Variants in PRDM9 observed in about 807,000 individuals in gnomAD.
The protein encoded by PRDM9 is PR/SET domain 9, also known as histone-lysine N-methyltransferase PRDM9.
A neutral mutation model predicts 55.6 loss-of-function variants in PRDM9; 47 were observed. The observed-to-expected ratio is 0.85, with a 90% CI of 0.67 to 1.08. The LOEUF (loss-of-function observed/expected upper bound fraction) is 1.08, where lower values mean the gene tolerates loss of function less well. Ranked by LOEUF, PRDM9 falls within the 50% of genes least tolerant of loss-of-function variation. The pLI is 0.00. For missense variants in PRDM9, 867 were observed against 1,040.3 expected (o/e 0.83, Z 2.29); for synonymous variants, 312 against 375.7 (o/e 0.83, Z 1.96).
At chr5:23,511,660 A>C (rs1579588711) in intron 4 of PRDM9, among the ~76,000 whole-genome samples, 1 of 152,276 alleles carries the variant, frequency 6.6e-6, no homozygotes, top group East Asian at 1.9e-4. Context: ...ATAAAGTTTT[A>C]AAACTTGTAA....
At chr5:23,510,635 A>G (rs1579588149) in intron 4 of PRDM9, among the ~76,000 whole-genome samples, 5 of 149,484 alleles carry the variant, frequency 3.3e-5, no homozygotes, top group African/African-American at 1.2e-4. Flanking sequence ...TGGGATGATG[A>G]TGATGATGAT....
In PRDM9 at chr5:23,526,382, C is replaced by T; in HGVS notation, c.1294C>T (p.Pro432Ser). The part of the protein sequence containing the change: ...RKLLQPENPC[P>S]GDQNQEQQYP... ...ACTCCTCCAACCAGAGAATCCCTGC[C>T]CAGGGGATCAGAATCAGGAGCAGCA... The change falls in exon 11 of 11, where the codon CCA (proline) becomes TCA (serine). Residue 432 changes from proline to serine, a missense_variant. Physicochemically the swap from Pro to Ser is moderately conservative, Grantham distance 74 (BLOSUM62 -1). This residue lies in a region of PRDM9 where 662 missense variants were observed against 711.9 expected (regional missense o/e 0.93). Transcript: ENST00000296682. 1 of 1,614,132 alleles carries T rather than the reference C, an allele frequency of 6.2e-7. No individual in the cohort carries two copies. Among genetic ancestry groups the T allele is most frequent in the South Asian group, 1.1e-5 (1 of 91,080 alleles).
intron 5 of PRDM9, among the ~76,000 whole-genome samples, chr5:23,519,792 C>A (rs990907787): frequency 2.6e-5 from 4 of 151,932 alleles, no homozygotes; most frequent in African/African-American, 9.7e-5. Context: ...ACCTGTAATC[C>A]CAGCACTTTG....
chr5:23,511,772 G>A (rs1230706051), intron 4 of PRDM9, among the ~76,000 whole-genome samples: 3 of 152,146 alleles, frequency 2.0e-5, no homozygotes. Context: ...CACAACAAAA[G>A]AAGGAAGGGC....
intron 4 of PRDM9, among the ~76,000 whole-genome samples, chr5:23,511,166 G>A (rs1369273677): frequency 1.3e-5 from 2 of 151,592 alleles, no homozygotes; most frequent in Non-Finnish European, 2.9e-5. Flanking sequence ...CTCAGGGCGG[G>A]AAAAATAGTG....
chr5:23,512,390 A>G (rs1739116208), intron 4 of PRDM9, among the ~76,000 whole-genome samples: 1 of 152,068 alleles, frequency 6.6e-6, no homozygotes, highest in Non-Finnish European at 1.5e-5. Flanking sequence ...ATCTACCCAA[A>G]CTAGAGAAAG....
intron 2 of PRDM9, 129 bp from the exon 3 acceptor site, chr5:23,509,341 G>A (rs1333506644): frequency 7.3e-6 from 11 of 1,515,464 alleles, no homozygotes; most frequent in South Asian, 1.1e-5. Flanking sequence ...TCTGGAGAAG[G>A]AGGGAAGATC....
At chr5:23,516,522 G>A (rs960387364) in intron 4 of PRDM9, among the ~76,000 whole-genome samples, 2 of 150,974 alleles carry the variant, frequency 1.3e-5, no homozygotes, top group Admixed American at 6.6e-5. Flanking sequence ...ACAGGCGCCC[G>A]CCACCATGCC....
intron 9 of PRDM9, 120 bp from the exon 10 acceptor site, chr5:23,524,214 G>A (rs1739387286): frequency 6.1e-6 from 8 of 1,306,188 alleles, no homozygotes; most frequent in South Asian, 1.2e-5. Context: ...CGGAGGAGTG[G>A]TGGGGGAGTG....
At chr5:23,515,822 T>C (rs1451447066) in intron 4 of PRDM9, among the ~76,000 whole-genome samples, 1 of 152,224 alleles carries the variant, frequency 6.6e-6, no homozygotes, top group African/African-American at 2.4e-5. Context: ...TTTGACCGCA[T>C]ACACAAGGGT....
At chr5:23,524,213 G>T in intron 9 of PRDM9, 121 bp from the exon 10 acceptor site, 1 of 1,290,542 alleles carries the variant, frequency 7.7e-7, no homozygotes, top group South Asian at 1.2e-5. Flanking sequence ...CCGGAGGAGT[G>T]GTGGGGGAGT....
chr5:23,514,745 A>T (rs578000381), intron 4 of PRDM9, among the ~76,000 whole-genome samples: 1 of 151,088 alleles, frequency 6.6e-6, no homozygotes, highest in African/African-American at 2.4e-5. Context: ...GCCAGGCCAA[A>T]AGCACTAATG....
Position 23,527,383 on chromosome 5 carries a change from A to T in PRDM9, c.2295A>T (p.Arg765Ser), listed in dbSNP as rs112815500. ...TTCGCGATAAGTCACACCTCCTCAGACACCAGAGGACACACACAGGGGAGA... is the reference window on the plus strand; with the variant it reads ...TTCGCGATAAGTCACACCTCCTCAGTCACCAGAGGACACACACAGGGGAGA... ...RGFRDKSHLL[R>S]HQRTHTGEKP... The change falls in exon 11 of 11, where the codon AGA (arginine) becomes AGT (serine). Residue 765 changes from arginine (R) to serine (S), a missense_variant. By Grantham distance (110) the Arg-to-Ser change is moderately radical (BLOSUM62 -1). This residue lies in a region of PRDM9 where 92 missense variants were observed against 185.7 expected (regional missense o/e 0.50). Coordinates refer to ENST00000296682, the MANE Select transcript of PRDM9 (RefSeq NM_020227.4). 1.6e-3 allele frequency: 2,214 copies of T among 1,345,728 alleles called. 36 individuals are homozygous for T. The African/African-American group carries it at 0.019, about 12-fold the overall frequency. The allele number at this position is 1,345,728 out of a possible 1,614,324, so 83.4% of individuals were successfully genotyped here. A position where few individuals can be genotyped will look rare whatever the true frequency, so the allele number is the denominator to read the frequency against.
intron 5 of PRDM9, among the ~76,000 whole-genome samples, chr5:23,519,996 A>G (rs1383639333): frequency 6.6e-6 from 1 of 151,498 alleles, no homozygotes; most frequent in Non-Finnish European, 1.5e-5. Flanking sequence ...GTGAGCTGAG[A>G]TCGTGCCACT....
Position 23,521,152 on chromosome 5 carries a change from T to C in PRDM9, c.481T>C (p.Ser161Pro), listed in dbSNP as rs1413146285. ...PVSPSGEASTSGQHSRLKLEL... is the reference protein window; with the variant it reads ...PVSPSGEASTPGQHSRLKLEL... ...GTCCCCTTCTGGAGAAGCAAGTACC[T>C]CTGGACAGCACTCAAGACTAAAACT... The change falls in exon 6 of 11, where the codon TCT (serine) becomes CCT (proline). Residue 161 changes from serine (S) to proline (P), a missense_variant. By Grantham distance (74) the Ser-to-Pro change is moderately conservative (BLOSUM62 -1). This residue lies in a region of PRDM9 where 662 missense variants were observed against 711.9 expected (regional missense o/e 0.93). Transcript: ENST00000296682. 1 of 1,613,480 alleles carries C rather than the reference T, an allele frequency of 6.2e-7. No homozygotes were observed. Among genetic ancestry groups the C allele is most frequent in the Non-Finnish European group, 8.5e-7 (1 of 1,180,034 alleles).
At chr5:23,520,921 G>A in intron 5 of PRDM9, 102 bp from the exon 6 acceptor site, 1 of 1,362,692 alleles carries the variant, frequency 7.3e-7, no homozygotes, top group Non-Finnish European at 1.0e-6. Context: ...TATTTTCAAG[G>A]TTTGAACATT....
chr5:23,515,373 A>G (rs943979968), intron 4 of PRDM9, among the ~76,000 whole-genome samples: 60 of 152,316 alleles, frequency 3.9e-4, no homozygotes, highest in African/African-American at 1.4e-3. Context: ...GCCTCTGAAT[A>G]GCTGAACTAT....
Position 23,522,895 on chromosome 5 carries a change from G to C in PRDM9, c.882+10G>C. 1.2e-6 allele frequency: 2 copies of C among 1,614,276 alleles called. No individual in the cohort carries two copies. Among genetic ancestry groups the C allele is most frequent in the Non-Finnish European group, 1.7e-6 (2 of 1,180,048 alleles). On this transcript the variant is annotated intron_variant, in intron 8 of 10. Coordinates refer to ENST00000296682, the MANE Select transcript of PRDM9 (RefSeq NM_020227.4). ...TGGATACTCCTGGCTGGTAAGAAGA[G>C]CCTGCCATTTCCCCTGTTCTGTCTT... is the stretch of plus-strand genomic sequence containing the variant.
intron 1 of PRDM9, 53 bp from the exon 2 acceptor site, chr5:23,508,897 T>C: frequency 9.9e-7 from 1 of 1,005,304 alleles, no homozygotes. Context: ...AGAGCCTGGT[T>C]CTGGGTAGTG....
Sources: gnomAD v4.1 joint callset for allele counts (sites outside exome capture counted in the v4.1 genomes callset) on GRCh38, gnomAD v4.1.1 for gene constraint, gnomAD v4.1.1 regional missense constraint, MANE v1.5 for transcripts, NCBI Gene and HGNC (gene_info 2026-07-23, HGNC 2026-07-21) for gene names.